SLC25A23: variants seen among roughly 807,000 people sequenced by gnomAD.
SLC25A23 encodes mitochondrial adenyl nucleotide antiporter SLC25A23.
In SLC25A23, 32 loss-of-function variants were observed where a neutral mutation model predicts 53.9. The ratio of observed to expected loss-of-function variants is 0.59; its 90% CI spans 0.45 to 0.80. The LOEUF (loss-of-function observed/expected upper bound fraction) is 0.80. SLC25A23 is among the 30% of genes least tolerant of loss of function. The pLI, the probability that SLC25A23 is intolerant of heterozygous loss-of-function variation, is 0.00. For synonymous variants in SLC25A23, 275 were observed against 264.5 expected, an observed-to-expected ratio of 1.04 and a Z score of -0.38; for missense variants, 575 against 651.4, an observed-to-expected ratio of 0.88 and a Z score of 1.28.
chr19:6,437,023 A>T (rs577172099), downstream of SLC25A23, among the ~76,000 whole-genome samples: 125 of 151,280 alleles, frequency 8.3e-4, no homozygotes, highest in African/African-American at 2.8e-3. Flanking sequence ...TAATTTTTGT[A>T]TTTTTAGTAG....
At position 6,459,582 on chromosome 19, in the gene SLC25A23, C is replaced by A. The variant is rs749936664; in HGVS notation, c.47G>T (p.Arg16Leu). Reference sequence around the variant, plus strand: ...GTTACTGTCCAGCTCCTCGAACAGGCGACCCCAGCGCTGCCGCCGCTCCGC... The same window carrying A: ...GTTACTGTCCAGCTCCTCGAACAGGAGACCCCAGCGCTGCCGCCGCTCCGC... ...GDAERRQRWG[R>L]LFEELDSNKD... is the part of the protein sequence containing the mutation. The change falls in exon 1 of 10, where the codon CGC (arginine) becomes CTC (leucine). Residue 16 changes from arginine to leucine, a missense_variant. By Grantham distance (102) the Arg-to-Leu change is moderately radical. Coordinates refer to ENST00000301454, the MANE Select transcript of SLC25A23 (RefSeq NM_024103.3). This position sits in a 1 kb window ranked among gnomAD's most constrained non-coding sequence, Gnocchi z 4.6. 2.6e-6 allele frequency: 4 copies of A among 1,565,760 alleles called. No individual in the cohort carries two copies. In the African/African-American group the frequency reaches 5.6e-5, roughly 22 times the overall value.
rs1237696092 is a variant in SLC25A23, at chr19:6,454,455, G to C, written c.663C>G (p.Asn221Lys). 6.2e-7 allele frequency: 1 copy of C among 1,614,138 alleles called. No homozygotes were observed. The highest frequency in any genetic ancestry group is 1.7e-5 in the Admixed American group (1 of 60,024). Residue 221 changes from asparagine to lysine, a missense_variant, in exon 6 of 10, where the codon AAC becomes AAG. Transcript: ENST00000301454. This position sits in a 1 kb window ranked among gnomAD's most constrained non-coding sequence, Gnocchi z 4.3. The stretch of plus-strand genomic sequence containing the variant: ...GAAGCCCCCCAAGGATGTTCAGCCG[G>C]TTGGTCTTTGAGGCATGGACCTGAA... ...VFMQVHASKT[N>K]RLNILGGLRS...
chr19:6,450,318 T>C (rs956350090), intron 8 of SLC25A23, among the ~76,000 whole-genome samples: 8 of 152,184 alleles, frequency 5.3e-5, no homozygotes, highest in Admixed American at 3.9e-4. Context: ...TCCCTTGTGA[T>C]AATACGCCCA....
intron 8 of SLC25A23, among the ~76,000 whole-genome samples, chr19:6,450,990 A>T (rs1252058231): frequency 2.0e-5 from 3 of 151,638 alleles, no homozygotes; most frequent in African/African-American, 7.3e-5. Flanking sequence ...AGGCAGGAGA[A>T]TTCCTTGAAC....
In SLC25A23 at chr19:6,444,433, G is replaced by A. The variant is rs531380660; in HGVS notation, c.1072-132C>T. The A allele has an allele frequency of 2.5e-5, 24 of 973,420 alleles. No homozygotes were observed. The East Asian group carries it at 6.0e-4, about 24-fold the overall frequency. 60.3% of individuals were successfully genotyped at this position (973,420 alleles called of 1,614,324 possible). The stretch of plus-strand genomic sequence containing the variant: ...AGCACTTGGTACCTCCTAGGGGCCG[G>A]GCCAGCCCTTTCCCTGCGTCCCCTC... On this transcript the variant is annotated intron_variant, in intron 8 of 9. Coordinates refer to ENST00000301454, the MANE Select transcript of SLC25A23 (RefSeq NM_024103.3).
intron 9 of SLC25A23, chr19:6,443,724 G>C (rs1488690550): frequency 1.5e-6 from 1 of 661,866 alleles, no homozygotes; most frequent in Admixed American, 2.3e-5. Context: ...GATTCAGGGA[G>C]AATGGGAGGG....
chr19:6,436,401 G>T (rs749214276), downstream of SLC25A23: 1 of 455,864 alleles, frequency 2.2e-6, no homozygotes, highest in African/African-American at 2.0e-5. Context: ...CAGTTACATG[G>T]CTATTGGCTG....
chr19:6,449,255 C>CTT (rs57753988), intron 8 of SLC25A23, among the ~76,000 whole-genome samples: 15 of 138,208 alleles, frequency 1.1e-4, no homozygotes, highest in African/African-American at 3.2e-4. Flanking sequence ...TTCTTTCTTT[C>CTT]TTTTTTTTTT....
chr19:6,449,728 T>A (rs1236248582), intron 8 of SLC25A23, among the ~76,000 whole-genome samples: 1 of 151,334 alleles, frequency 6.6e-6, no homozygotes, highest in Non-Finnish European at 1.5e-5. Flanking sequence ...GGCTAATTTT[T>A]AAATTGTTTT....
intron 8 of SLC25A23, among the ~76,000 whole-genome samples, chr19:6,449,215 A>G (rs143543012): frequency 6.6e-6 from 1 of 152,126 alleles, no homozygotes; most frequent in Non-Finnish European, 1.5e-5. Flanking sequence ...AGAATGCATT[A>G]AATAATAAGA....
chr19:6,447,893 A>G (rs1599311267), intron 8 of SLC25A23, among the ~76,000 whole-genome samples: 1 of 151,612 alleles, frequency 6.6e-6, no homozygotes, highest in Non-Finnish European at 1.5e-5. Context: ...CTGGTCTCCA[A>G]CTCCTGACCT....
chr19:6,447,876 G>A (rs143918466), intron 8 of SLC25A23, among the ~76,000 whole-genome samples: 1,929 of 152,184 alleles, frequency 0.013, 40 homozygotes, highest in African/African-American at 0.044. Flanking sequence ...TAACCATGTT[G>A]GCCAGGCTGG....
At chr19:6,455,575 C>T (rs146372225) in intron 4 of SLC25A23, among the ~76,000 whole-genome samples, 78 of 152,254 alleles carry the variant, frequency 5.1e-4, no homozygotes, top group African/African-American at 1.8e-3. Context: ...ATCCCACAGA[C>T]GGATCCCCCT....
rs763737405 is a variant in SLC25A23, at chr19:6,458,342, G to C, written c.157-18C>G. The C allele has an allele frequency of 3.1e-6, 5 of 1,609,456 alleles. No individual in the cohort carries two copies. Among genetic ancestry groups the C allele is most frequent in the Non-Finnish European group, 3.4e-6 (4 of 1,178,618 alleles). On this transcript the variant is annotated intron_variant, in intron 1 of 9. Transcript: ENST00000301454. Reference sequence around the variant, plus strand: ...GAGATACCCTGACAGAGGGAAAGGGGATAGAGGTGGCTCCAGGAACCTGCT... The same window carrying C: ...GAGATACCCTGACAGAGGGAAAGGGCATAGAGGTGGCTCCAGGAACCTGCT...
chr19:6,452,530 A>C (rs2092607902), intron 7 of SLC25A23, 51 bp from the exon 8 acceptor site: 1 of 1,559,392 alleles, frequency 6.4e-7, no homozygotes, highest in Non-Finnish European at 8.7e-7. Flanking sequence ...AAATCGCTAC[A>C]TCCAGGAATG....
Position 6,442,055 on chromosome 19 carries a change from T to G in SLC25A23, c.1327A>C (p.Met443Leu). ...ATGCTCACAGCTGGAATAACCTTCA[T>G]GAAGTTGGGGGCGATCCCCCGGTAG... ...GLYRGIAPNF[M>L]KVIPAVSISY... The change falls in exon 10 of 10, where the codon ATG (methionine) becomes CTG (leucine). Residue 443 changes from methionine to leucine, a missense_variant. By Grantham distance (15) the Met-to-Leu change is conservative. Coordinates refer to ENST00000301454, the MANE Select transcript of SLC25A23 (RefSeq NM_024103.3). The G allele has an allele frequency of 1.2e-6, 2 of 1,613,364 alleles. No individual in the cohort carries two copies. The highest frequency in any genetic ancestry group is 1.7e-6 in the Non-Finnish European group (2 of 1,179,790).
intron 4 of SLC25A23, chr19:6,456,179 G>A: frequency 2.3e-6 from 3 of 1,323,348 alleles, no homozygotes; most frequent in Non-Finnish European, 1.0e-6. Context: ...GCTGTCCCCA[G>A]AGGCCCCGAT....
chr19:6,436,992 G>A (rs1032817940), downstream of SLC25A23, among the ~76,000 whole-genome samples: 5 of 151,936 alleles, frequency 3.3e-5, no homozygotes, highest in African/African-American at 9.7e-5. Flanking sequence ...GGGATCACAG[G>A]CATGTGACAC....
chr19:6,451,345 C>T (rs983957794), intron 8 of SLC25A23, among the ~76,000 whole-genome samples: 17 of 152,160 alleles, frequency 1.1e-4, no homozygotes, highest in African/African-American at 2.4e-4. Context: ...GCCGAGATCG[C>T]GCCATTGCAC....
Sources: gnomAD v4.1 joint callset for allele counts (sites outside exome capture counted in the v4.1 genomes callset) on GRCh38, gnomAD v4.1.1 for gene constraint, Gnocchi (gnomAD v3.1) non-coding constraint, MANE v1.5 for transcripts, NCBI Gene and HGNC (gene_info 2026-07-23, HGNC 2026-07-21) for gene names.